Variants in CHN2 observed in about 807,000 individuals in gnomAD.
The protein encoded by CHN2 is beta-chimaerin.
CHN2 carries 35 observed loss-of-function variants against 56.3 expected under a neutral mutation model. The ratio of observed to expected loss-of-function variants is 0.62; its 90% confidence interval spans 0.47 to 0.82. The LOEUF (loss-of-function observed/expected upper bound fraction) is 0.82. CHN2 is among the 40% of genes least tolerant of loss of function. CHN2 has a pLI of 0.00. For missense variants in CHN2, 491 were observed against 580.5 expected (o/e 0.85, Z 1.58); for synonymous variants, 210 against 212.8 (o/e 0.99, Z 0.12).
chr7:29,354,465 C>G (rs1299363780), intron 1 of CHN2, among the ~76,000 whole-genome samples, 160 bp from the exon 2 acceptor site: 3 of 152,146 alleles, frequency 2.0e-5, no homozygotes, highest in Non-Finnish European at 4.4e-5. Context: ...CATGCACATC[C>G]CCTCCCCTGT....
intron 1 of CHN2, among the ~76,000 whole-genome samples, chr7:29,245,022 T>G (rs1407866965): frequency 6.6e-6 from 1 of 152,222 alleles, no homozygotes; most frequent in Admixed American, 6.5e-5. Context: ...TATGGTTTCT[T>G]GAACATGCCA....
intron 2 of CHN2, chr7:29,184,513 T>TG (rs1172959253): frequency 6.6e-6 from 1 of 152,146 alleles, no homozygotes; most frequent in Non-Finnish European, 1.5e-5. Flanking sequence ...GACAGCAGGC[T>TG]GGAACCCCAG....
chr7:29,359,493 C>T (rs759933470), intron 2 of CHN2, among the ~76,000 whole-genome samples: 7 of 152,124 alleles, frequency 4.6e-5, no homozygotes, highest in Admixed American at 2.0e-4. Context: ...ACTCAAGGAA[C>T]GGTGATGCCA....
At chr7:29,389,407 A>G (rs1801184665) in intron 3 of CHN2, among the ~76,000 whole-genome samples, 1 of 152,158 alleles carries the variant, frequency 6.6e-6, no homozygotes, top group African/African-American at 2.4e-5. Context: ...AGTGATTCTG[A>G]CTTTAGTATA....
chr7:29,189,655 C>T (rs985594231), intron 2 of CHN2, among the ~76,000 whole-genome samples: 2 of 152,146 alleles, frequency 1.3e-5, no homozygotes, highest in Admixed American at 6.5e-5. Context: ...TCTCTTCAAA[C>T]AGAAAGAAAA....
At chr7:29,273,352 T>TATATAC (rs1562881863) in intron 1 of CHN2, among the ~76,000 whole-genome samples, 5 of 51,036 alleles carry the variant, frequency 9.8e-5, no homozygotes, top group African/African-American at 3.7e-4. Context: ...TGTATATATA[T>TATATAC]ATATATATAT....
chr7:29,406,379 G>A (rs569514087), intron 6 of CHN2, among the ~76,000 whole-genome samples: 5 of 152,260 alleles, frequency 3.3e-5, no homozygotes, highest in East Asian at 3.9e-4. Context: ...AGTGTTTAAC[G>A]CATCACCTCC....
At chr7:29,491,770 T>C (rs1302446080) in intron 7 of CHN2, among the ~76,000 whole-genome samples, 2 of 152,206 alleles carry the variant, frequency 1.3e-5, no homozygotes, top group Non-Finnish European at 2.9e-5. Flanking sequence ...ATTTAATACA[T>C]GCATAATTGA....
At chr7:29,358,274 G>A (rs1039500371) in intron 2 of CHN2, among the ~76,000 whole-genome samples, 4 of 152,054 alleles carry the variant, frequency 2.6e-5, no homozygotes, top group African/African-American at 9.7e-5. Flanking sequence ...GGCATGCCTT[G>A]TAGTCCTAGC....
chr7:29,424,819 C>T (rs1303323957), intron 6 of CHN2, among the ~76,000 whole-genome samples: 1 of 152,194 alleles, frequency 6.6e-6, no homozygotes, highest in Admixed American at 6.5e-5. Flanking sequence ...CAGTTCAGCA[C>T]AGTCTGGTCA....
intron 1 of CHN2, among the ~76,000 whole-genome samples, chr7:29,225,611 G>A (rs1028538904): frequency 1.5e-4 from 23 of 152,252 alleles, no homozygotes; most frequent in African/African-American, 5.3e-4. Context: ...GTTTAGCATC[G>A]CTCTTCGTTT....
intron 2 of CHN2, among the ~76,000 whole-genome samples, chr7:29,182,372 A>C (rs1468588408): frequency 1.3e-5 from 2 of 151,348 alleles, no homozygotes; most frequent in African/African-American, 4.8e-5. Context: ...AGTAAAAAGC[A>C]AAAGCTCCTC....
upstream of CHN2, chr7:29,193,495 A>G (rs191993230): frequency 1.4e-3 from 214 of 152,312 alleles, 1 homozygote; most frequent in African/African-American, 5.0e-3. Context: ...TAATGAGAGT[A>G]CTTTCATTCC....
At chr7:29,235,636 T>C (rs1263905358) in intron 1 of CHN2, among the ~76,000 whole-genome samples, 1 of 152,202 alleles carries the variant, frequency 6.6e-6, no homozygotes, top group Non-Finnish European at 1.5e-5. Context: ...GGAATCAATG[T>C]AGATGTCTAT....
chr7:29,188,198 T>C (rs1390995570), intron 2 of CHN2, among the ~76,000 whole-genome samples: 1 of 152,238 alleles, frequency 6.6e-6, no homozygotes, highest in Non-Finnish European at 1.5e-5. Flanking sequence ...TGGACTTTTA[T>C]GCTTTAGACA....
intron 2 of CHN2, among the ~76,000 whole-genome samples, chr7:29,164,542 C>T (rs191949732): frequency 1.4e-4 from 22 of 151,862 alleles, no homozygotes; most frequent in South Asian, 4.2e-4. Flanking sequence ...TCCAGCACTT[C>T]GGGGGGCTGA....
At chr7:29,439,977 C>T (rs60959373) in intron 6 of CHN2, among the ~76,000 whole-genome samples, 11,695 of 152,180 alleles carry the variant, frequency 0.077, 809 homozygotes, top group African/African-American at 0.19. Flanking sequence ...AGAGAAGGAG[C>T]TGGGACTTGA....
intron 6 of CHN2, chr7:29,445,251 C>T (rs899092050): frequency 2.3e-6 from 1 of 434,996 alleles, no homozygotes; most frequent in Admixed American, 2.5e-5. Flanking sequence ...ACCCTACCTC[C>T]TAGCCAGACT....
At chr7:29,438,021 C>T (rs1032124699) in intron 6 of CHN2, among the ~76,000 whole-genome samples, 5 of 152,148 alleles carry the variant, frequency 3.3e-5, no homozygotes, top group Admixed American at 1.3e-4. Context: ...TCACCCTTAT[C>T]TCTTAGTGTA....
Sources: gnomAD v4.1 joint callset for allele counts (sites outside exome capture counted in the v4.1 genomes callset) on GRCh38, gnomAD v4.1.1 for gene constraint, MANE v1.5 for transcripts, NCBI Gene and HGNC (gene_info 2026-07-23, HGNC 2026-07-21) for gene names.